Variants in PARVA observed in about 807,000 individuals in gnomAD.
PARVA encodes the protein parvin alpha.
Under a neutral mutation model 52.6 loss-of-function variants are expected in PARVA, and 25 were observed. That is an observed-to-expected ratio of 0.48 (90% CI 0.35 to 0.66). The LOEUF is 0.66. PARVA is among the 30% of genes least tolerant of loss of function. The pLI, the probability that PARVA is intolerant of heterozygous loss-of-function variation, is 0.01. For missense variants in PARVA, 373 were observed against 450.9 expected, an observed-to-expected ratio of 0.83 and a Z score of 1.56; for synonymous variants, 185 against 179.1, an observed-to-expected ratio of 1.03 and a Z score of -0.26.
At chr11:12,402,860 C>T (rs755544289) in intron 1 of PARVA, among the ~76,000 whole-genome samples, 2 of 152,194 alleles carry the variant, frequency 1.3e-5, no homozygotes, top group African/African-American at 4.8e-5. Flanking sequence ...TTTTCGTACT[C>T]GGAGTGGTTG....
intron 1 of PARVA, among the ~76,000 whole-genome samples, chr11:12,409,801 A>AT (rs35916403): frequency 6.6e-6 from 1 of 152,240 alleles, no homozygotes; most frequent in Non-Finnish European, 1.5e-5. Context: ...GCATTTACTA[A>AT]TTTGTTAGAG....
intron 1 of PARVA, among the ~76,000 whole-genome samples, chr11:12,419,190 C>G (rs563794276): frequency 1.3e-5 from 2 of 152,212 alleles, no homozygotes; most frequent in South Asian, 4.1e-4. Flanking sequence ...GTATAAAGTG[C>G]ATTCACACTG....
intron 10 of PARVA, among the ~76,000 whole-genome samples, chr11:12,516,121 G>A (rs973241512): frequency 6.6e-6 from 1 of 152,240 alleles, no homozygotes; most frequent in Non-Finnish European, 1.5e-5. Context: ...TTACAGGCAT[G>A]AGCCACCGCA....
At chr11:12,498,317 C>T (rs888926823) in intron 5 of PARVA, among the ~76,000 whole-genome samples, 2 of 151,772 alleles carry the variant, frequency 1.3e-5, no homozygotes, top group African/African-American at 4.8e-5. Flanking sequence ...ATTACAGGCA[C>T]AAGCCACTGT....
At chr11:12,396,307 G>A (rs77289905) in intron 1 of PARVA, among the ~76,000 whole-genome samples, 13,491 of 152,242 alleles carry the variant, frequency 0.089, 728 homozygotes, top group African/African-American at 0.14. Flanking sequence ...TAAATCAACA[G>A]TGACAATAGA....
chr11:12,461,574 T>G (rs374358598), intron 1 of PARVA, among the ~76,000 whole-genome samples: 4 of 152,372 alleles, frequency 2.6e-5, no homozygotes, highest in African/African-American at 2.4e-5. Context: ...ATGGCTTACA[T>G]GAGACCTCAA....
rs1291158354 is a variant in PARVA at position 12,530,880 on chromosome 11, GA to G, written c.*2958del. On this transcript the variant is annotated 3_prime_UTR_variant, in exon 13 of 13. Coordinates refer to ENST00000334956, the MANE Select transcript of PARVA (RefSeq NM_018222.5). ...AGGAAAAAAGCCCTAGCCGAAGGAG[GA>G]AAGGCTGCCTAGACAATGATTTCAA... 1 of 152,190 alleles carries G rather than the reference GA, an allele frequency of 6.6e-6. No homozygotes were observed. Among genetic ancestry groups the G allele is most frequent in the Non-Finnish European group, 1.5e-5 (1 of 68,040 alleles). The allele number at this position is 152,190 out of a possible 1,614,324, so 9.4% of individuals were successfully genotyped here. A position where few individuals can be genotyped will look rare whatever the true frequency, so the allele number is the denominator to read the frequency against.
chr11:12,477,667 G>A (rs1399459326), intron 3 of PARVA, among the ~76,000 whole-genome samples, 180 bp from the exon 4 acceptor site: 8 of 152,132 alleles, frequency 5.3e-5, no homozygotes, highest in Non-Finnish European at 1.0e-4. Flanking sequence ...AAGATCACTT[G>A]AGCCCAGGAG....
intron 12 of PARVA, among the ~76,000 whole-genome samples, chr11:12,525,726 G>C (rs1184272034): frequency 3.3e-5 from 5 of 152,120 alleles, no homozygotes; most frequent in African/African-American, 1.2e-4. Context: ...CCCAGTTAGA[G>C]GCTCAGATAT....
At position 12,513,040 on chromosome 11, in the gene PARVA, A is replaced by G. The variant is rs932556350; in HGVS notation, c.737-259A>G. The G allele has an allele frequency of 1.7e-5, 11 of 650,082 alleles. No individual in the cohort carries two copies. The African/African-American group carries it at 1.8e-4, about 11-fold the overall frequency. The allele number at this position is 650,082 out of a possible 1,614,324, so 40.3% of individuals were successfully genotyped here. A position where few individuals can be genotyped will look rare whatever the true frequency, so the allele number is the denominator to read the frequency against. ...GAAATGACTAATCCCGGGTCACACT[A>G]CCTAAAAGAGCCCTGAGCCTGCCCC... is the stretch of plus-strand genomic sequence containing the variant. On this transcript the variant is annotated intron_variant, in intron 8 of 12. Transcript: ENST00000334956.
intron 4 of PARVA, chr11:12,479,723 G>T (rs1268029666): frequency 6.6e-6 from 1 of 152,156 alleles, no homozygotes; most frequent in Non-Finnish European, 1.5e-5. Flanking sequence ...ATATGTATAG[G>T]TGTGTAGATA....
chr11:12,424,710 C>T (rs915079354), intron 1 of PARVA, among the ~76,000 whole-genome samples: 2 of 152,104 alleles, frequency 1.3e-5, no homozygotes, highest in African/African-American at 2.4e-5. Context: ...CCCAGATTTA[C>T]GTCTATAATC....
At chr11:12,395,962 T>A (rs1436464512) in intron 1 of PARVA, among the ~76,000 whole-genome samples, 1 of 152,236 alleles carries the variant, frequency 6.6e-6, no homozygotes, top group African/African-American at 2.4e-5. Flanking sequence ...AGAAAGATTA[T>A]CCTTGGCAAT....
At chr11:12,475,955 G>A (rs1440136534) in intron 3 of PARVA, among the ~76,000 whole-genome samples, 1 of 152,198 alleles carries the variant, frequency 6.6e-6, no homozygotes, top group East Asian at 1.9e-4. Flanking sequence ...TGTGCCTGCC[G>A]CTGCACACTC....
At chr11:12,495,209 T>A (rs954100242) in intron 4 of PARVA, among the ~76,000 whole-genome samples, 3 of 152,120 alleles carry the variant, frequency 2.0e-5, no homozygotes, top group Admixed American at 2.0e-4. Flanking sequence ...AAGAGAACAT[T>A]TCAGGCCATC....
At chr11:12,519,803 C>T (rs183587669) in intron 12 of PARVA, among the ~76,000 whole-genome samples, 1 of 152,314 alleles carries the variant, frequency 6.6e-6, no homozygotes, top group Admixed American at 6.5e-5. Context: ...TTGTCCTAAG[C>T]CCCTGGTCAA....
At chr11:12,459,145 A>G (rs1313054028) in intron 1 of PARVA, among the ~76,000 whole-genome samples, 2 of 152,178 alleles carry the variant, frequency 1.3e-5, no homozygotes, top group Non-Finnish European at 2.9e-5. Flanking sequence ...AGCCTGTGCC[A>G]GCTGGGCATG....
In PARVA at chr11:12,377,764, G is replaced by C; in HGVS notation, c.117G>C (p.Arg39=). 1 of 1,522,980 alleles carries C rather than the reference G, an allele frequency of 6.6e-7. No individual in the cohort carries two copies. Among genetic ancestry groups the C allele is most frequent in the Non-Finnish European group, 8.8e-7 (1 of 1,139,730 alleles). 94.3% of individuals were successfully genotyped at this position (1,522,980 alleles called of 1,614,324 possible). A position where few individuals can be genotyped will look rare whatever the true frequency, so the allele number is the denominator to read the frequency against. ...FLGKLGGTLA[R]RKKAKEVSEL... is the part of the protein sequence containing the mutation. ...GGAAACTCGGAGGGACCCTGGCCCGGAGGAAGAAAGCCAAGGAGGGTGAGT... is the reference window on the plus strand; with the variant it reads ...GGAAACTCGGAGGGACCCTGGCCCGCAGGAAGAAAGCCAAGGAGGGTGAGT... Residue 39 remains arginine (R), a synonymous_variant, in exon 1 of 13, where the codon CGG becomes CGC. Transcript: ENST00000334956.
chr11:12,514,498 G>GT (rs1467115230), intron 10 of PARVA, among the ~76,000 whole-genome samples: 5 of 152,152 alleles, frequency 3.3e-5, no homozygotes, highest in Admixed American at 1.3e-4. Flanking sequence ...GTTTTGTTTT[G>GT]TTTTTTGAGA....
Sources: allele counts gnomAD v4.1 joint callset (sites outside exome capture counted in the v4.1 genomes callset), GRCh38; gene constraint gnomAD v4.1.1; transcripts MANE v1.5; gene names NCBI Gene and HGNC (gene_info 2026-07-23, HGNC 2026-07-21).